Variants in RRN3 observed in about 807,000 individuals in gnomAD.
The protein encoded by RRN3 is RNA polymerase I transcription factor RRN3.
RRN3 carries 38 observed loss-of-function variants against 82.3 expected under a neutral mutation model. The ratio of observed to expected loss-of-function variants is 0.46; its 90% confidence interval spans 0.36 to 0.61. RRN3 has a LOEUF of 0.61. RRN3 is among the 20% of genes least tolerant of loss of function. The pLI, the probability that RRN3 is intolerant of heterozygous loss-of-function variation, is 0.00. For synonymous variants in RRN3, 284 were observed against 284.3 expected (o/e 1.00, Z 0.01); for missense variants, 726 against 793.1 (o/e 0.92, Z 1.02).
intron 11 of RRN3, among the ~76,000 whole-genome samples, chr16:15,073,543 T>C (rs1415262812): frequency 1.3e-5 from 2 of 152,192 alleles, no homozygotes; most frequent in African/African-American, 4.8e-5. Context: ...TTCCTCTGAA[T>C]ATAATAATCT....
At chr16:15,092,072 G>C (rs537743101) in intron 2 of RRN3, among the ~76,000 whole-genome samples, 1 of 152,064 alleles carries the variant, frequency 6.6e-6, no homozygotes, top group Non-Finnish European at 1.5e-5. Context: ...CCACCTATTC[G>C]GAAGACTGAG....
chr16:15,077,030 A>G lies in RRN3; in HGVS notation c.766-380T>C, dbSNP rs1200058731. Among the ~76,000 whole-genome samples, 8 of 148,000 alleles carry G rather than the reference A, an allele frequency of 5.4e-5. No homozygotes were observed. The South Asian group carries it at 1.3e-3, about 24-fold the overall frequency. On this transcript the variant is annotated intron_variant, in intron 9 of 17. Transcript: ENST00000198767. ...GTTTTGCTCTTGTTGCCCAGGCTGG[A>G]ATACAATGGCAAGATCTCGGCTCAC...
Position 15,065,296 on chromosome 16 carries a change from G to A in RRN3, c.1629C>T (p.Thr543=), listed in dbSNP as rs773259277. 63 of 1,613,654 alleles carry A rather than the reference G, an allele frequency of 3.9e-5. No homozygotes were observed. The highest frequency in any genetic ancestry group is 2.0e-4 in the African/African-American group (15 of 74,892). Residue 543 remains threonine, a synonymous_variant, in exon 16 of 18, where the codon ACC becomes ACT. Coordinates refer to ENST00000198767, the MANE Select transcript of RRN3 (RefSeq NM_018427.5). ...NRQMLPVIRS[T]AGGDSVQICT... ...AGATCTGCACTGAGTCTCCTCCAGC[G>A]GTACTCCTAATGACTGGCAGCATCT...
intron 12 of RRN3, among the ~76,000 whole-genome samples, chr16:15,072,373 T>C (rs1033158510): frequency 6.6e-6 from 1 of 152,160 alleles, no homozygotes; most frequent in Non-Finnish European, 1.5e-5. Flanking sequence ...ATACAGTTAA[T>C]TACCCCATAT....
rs1434561003 is a variant in RRN3 at position 15,085,621 on chromosome 16, A to C, written c.532+18T>G. On this transcript the variant is annotated intron_variant, in intron 6 of 17. Coordinates refer to ENST00000198767, the MANE Select transcript of RRN3 (RefSeq NM_018427.5). Reference sequence around the variant, plus strand: ...GTGAAAGCTACTGTGCCCAGGCTTTAAACCTTTTTATACTTACTATCATCT... The same window carrying C: ...GTGAAAGCTACTGTGCCCAGGCTTTCAACCTTTTTATACTTACTATCATCT... 2 of 1,610,364 alleles carry C rather than the reference A, an allele frequency of 1.2e-6. No homozygotes were observed. Among genetic ancestry groups the C allele is most frequent in the South Asian group, 2.2e-5 (2 of 90,468 alleles).
chr16:15,064,151 T>G (rs1353113322), intron 16 of RRN3, among the ~76,000 whole-genome samples: 6 of 152,056 alleles, frequency 3.9e-5, no homozygotes, highest in Non-Finnish European at 8.8e-5. Flanking sequence ...GAACAACTCA[T>G]CTAGATAAAT....
chr16:15,062,068 A>G (rs554840427), intron 17 of RRN3, among the ~76,000 whole-genome samples, 163 bp from the exon 18 acceptor site: 7 of 152,300 alleles, frequency 4.6e-5, no homozygotes, highest in African/African-American at 1.4e-4. Context: ...AGTCCCAGCT[A>G]CTCAGGAGGT....
chr16:15,084,453 CAAT>C (rs746513317), intron 7 of RRN3, among the ~76,000 whole-genome samples, 186 bp downstream of exon 7: 9 of 149,436 alleles, frequency 6.0e-5, no homozygotes, highest in Non-Finnish European at 1.3e-4. Flanking sequence ...CTTTGAAAAA[CAAT>C]TAAAGAGAAT....
At chr16:15,071,789 C>A (rs1376873357) in intron 12 of RRN3, among the ~76,000 whole-genome samples, 4 of 152,026 alleles carry the variant, frequency 2.6e-5, no homozygotes, top group Non-Finnish European at 5.9e-5. Flanking sequence ...AAACAAAAAA[C>A]AACAAAAAAT....
At chr16:15,081,935 GAAC>G (rs958526226) in intron 8 of RRN3, among the ~76,000 whole-genome samples, 14 of 152,172 alleles carry the variant, frequency 9.2e-5, no homozygotes, top group African/African-American at 3.4e-4. Context: ...CAATTGTCTT[GAAC>G]AACTGGTTAG....
At chr16:15,066,282 G>A (rs1280979073) in intron 15 of RRN3, among the ~76,000 whole-genome samples, 2 of 152,220 alleles carry the variant, frequency 1.3e-5, no homozygotes, top group African/African-American at 4.8e-5. Flanking sequence ...CCGCACTTCC[G>A]GGTGTGTGAC....
chr16:15,072,689 G>T, intron 12 of RRN3, among the ~76,000 whole-genome samples: 1 of 152,058 alleles, frequency 6.6e-6, no homozygotes, highest in East Asian at 1.9e-4. Flanking sequence ...CCCAGCTATC[G>T]AGAGGGTAAG....
intron 9 of RRN3, among the ~76,000 whole-genome samples, chr16:15,078,079 A>AT (rs2045542554): frequency 6.6e-6 from 1 of 152,162 alleles, no homozygotes; most frequent in Non-Finnish European, 1.5e-5. Context: ...AAACCATGCC[A>AT]TTTTTTATTA....
At chr16:15,083,680 T>C in intron 7 of RRN3, 98 bp from the exon 8 acceptor site, 10 of 1,532,366 alleles carry the variant, frequency 6.5e-6, no homozygotes, top group South Asian at 2.4e-5. Context: ...TTGATAGACA[T>C]AGGAGGCAAA....
At position 15,076,639 on chromosome 16, in the gene RRN3, G is replaced by T. The variant is rs1406465676; in HGVS notation, c.777C>A (p.Ser259=). Residue 259 remains serine, a synonymous_variant, in exon 10 of 18, where the codon TCC becomes TCA. Transcript: ENST00000198767. ...EKLLKLDVNA[S]RQGIEDAEET... is the part of the protein sequence containing the mutation. Reference sequence around the variant, plus strand: ...CTTCAGCATCTTCAATACCCTGCCGGGATGCATTCACCTATAACAAAGGGA... The same window carrying T: ...CTTCAGCATCTTCAATACCCTGCCGTGATGCATTCACCTATAACAAAGGGA... 5 of 1,607,946 alleles carry T rather than the reference G, an allele frequency of 3.1e-6. No individual in the cohort carries two copies. Among genetic ancestry groups the T allele is most frequent in the Non-Finnish European group, 3.4e-6 (4 of 1,174,528 alleles).
chr16:15,063,036 G>A (rs1217847027), intron 17 of RRN3, among the ~76,000 whole-genome samples, 160 bp downstream of exon 17: 1 of 152,154 alleles, frequency 6.6e-6, no homozygotes, highest in African/African-American at 2.4e-5. Flanking sequence ...TAGAAACAGG[G>A]TGTCACTGTG....
At chr16:15,062,354 T>C (rs1459094327) in intron 17 of RRN3, among the ~76,000 whole-genome samples, 1 of 152,172 alleles carries the variant, frequency 6.6e-6, no homozygotes, top group African/African-American at 2.4e-5. Flanking sequence ...GTGAATGAAT[T>C]ACACGCCCCT....
At chr16:15,088,156 T>G (rs2045982716) in intron 3 of RRN3, among the ~76,000 whole-genome samples, 1 of 151,694 alleles carries the variant, frequency 6.6e-6, no homozygotes, top group African/African-American at 2.4e-5. Flanking sequence ...CAGACTTTGA[T>G]GCTTTAGTAC....
intron 3 of RRN3, among the ~76,000 whole-genome samples, chr16:15,088,236 G>A (rs1350592719): frequency 6.6e-6 from 1 of 152,186 alleles, no homozygotes; most frequent in Non-Finnish European, 1.5e-5. Flanking sequence ...ACTTTTGGGA[G>A]GCCAAGGCAG....
Sources: gnomAD v4.1 joint callset for allele counts (sites outside exome capture counted in the v4.1 genomes callset) on GRCh38, gnomAD v4.1.1 for gene constraint, MANE v1.5 for transcripts, NCBI Gene and HGNC (gene_info 2026-07-23, HGNC 2026-07-21) for gene names.